Variants in ADAMTS4 observed in about 807,000 individuals in gnomAD.
The protein encoded by ADAMTS4 is ADAM metallopeptidase with thrombospondin type 1 motif 4.
ADAMTS4 carries 38 observed loss-of-function variants against 66.7 expected under a neutral mutation model. That is an observed-to-expected ratio of 0.57 (90% CI 0.44 to 0.75). The LOEUF is 0.75. Among genes scored for constraint, ADAMTS4 ranks in the 30% least tolerant of loss-of-function variants. The probability of loss-of-function intolerance (pLI) is 0.00; values close to 1 mark genes in which losing one functional copy is unlikely to be tolerated. For synonymous variants in ADAMTS4, 418 were observed against 461.5 expected, an observed-to-expected ratio of 0.91 and a Z score of 1.21; for missense variants, 1,014 against 1,116.7, an observed-to-expected ratio of 0.91 and a Z score of 1.31.
At chr1:161,196,081 C>A in intron 3 of ADAMTS4, 90 bp downstream of exon 3, 1 of 1,467,430 alleles carries the variant, frequency 6.8e-7, no homozygotes, top group East Asian at 2.3e-5. Context: ...GGAAGAATAC[C>A]TTGGGACCCC....
Position 161,192,243 on chromosome 1 carries a change from G to A in ADAMTS4, c.1912-3C>T. On this transcript the variant is annotated splice_region_variant and splice_polypyrimidine_tract_variant and intron_variant, in intron 7 of 8. Coordinates refer to ENST00000367996, the MANE Select transcript of ADAMTS4 (RefSeq NM_005099.6). ...GAACAGGGGGTCCCATCTACCACCTGAGGAAAAGAGAAAGAACAATGCTGA... is the reference window on the plus strand; with the variant it reads ...GAACAGGGGGTCCCATCTACCACCTAAGGAAAAGAGAAAGAACAATGCTGA... The A allele has an allele frequency of 2.5e-6, 4 of 1,612,518 alleles. No individual in the cohort carries two copies. The highest frequency in any genetic ancestry group is 3.4e-6 in the Non-Finnish European group (4 of 1,178,970).
rs761774179 is a variant in ADAMTS4 at position 161,198,169 on chromosome 1, T to C, written c.459A>G (p.Leu153=). The C allele has an allele frequency of 2.5e-6, 4 of 1,613,922 alleles. No homozygotes were observed. The highest frequency in any genetic ancestry group is 3.4e-6 in the Non-Finnish European group (4 of 1,179,980). The change falls in exon 1 of 9, where the codon TTA becomes TTG. Residue 153 remains leucine, a synonymous_variant. Transcript: ENST00000367996. The surrounding 1 kb of genome is among the most constrained non-coding windows in gnomAD (Gnocchi z 4.7). ...HWDGGALLGV[L]QYRGAELHLQ... is the part of the protein sequence containing the mutation. ...GGTGGAGTTCAGCCCCCCGATATTG[T>C]AACACGCCTAACAGGGCTCCCCCAT...
intron 7 of ADAMTS4, among the ~76,000 whole-genome samples, chr1:161,192,471 A>G (rs1478195278): frequency 2.0e-5 from 3 of 152,146 alleles, no homozygotes; most frequent in Non-Finnish European, 4.4e-5. Flanking sequence ...AGTATGAATC[A>G]GGCAGCATGC....
intron 1 of ADAMTS4, among the ~76,000 whole-genome samples, 154 bp downstream of exon 1, chr1:161,197,841 C>T (rs1664917402): frequency 6.6e-6 from 1 of 151,932 alleles, no homozygotes; most frequent in Non-Finnish European, 1.5e-5. Flanking sequence ...TGAGCCTTAC[C>T]AAGAAAGGAG....
chr1:161,193,559 C>A lies in ADAMTS4; in HGVS notation c.1735+81G>T. 1 of 1,528,374 alleles carries A rather than the reference C, an allele frequency of 6.5e-7. No homozygotes were observed. The highest frequency in any genetic ancestry group is 1.3e-5 in the South Asian group (1 of 79,870). 94.7% of individuals were successfully genotyped at this position (1,528,374 alleles called of 1,614,324 possible). Reference sequence around the variant, plus strand: ...CCCACAGCAGCAGGGGAATCAACACCCCCTTGGTCTTGCACTCAAGGGACA... The same window carrying A: ...CCCACAGCAGCAGGGGAATCAACACACCCTTGGTCTTGCACTCAAGGGACA... On this transcript the variant is annotated intron_variant, in intron 6 of 8. Transcript: ENST00000367996. The surrounding 1 kb of genome is among the most constrained non-coding windows in gnomAD (Gnocchi z 4.4).
chr1:161,192,147 T>C lies in ADAMTS4; in HGVS notation c.2005A>G (p.Lys669Glu), dbSNP rs1423429643. ...ACCATGCACTTGTCAAACTTCTTCTTGGAGCCAATGATGCGATCACAGCCA... is the reference window on the plus strand; with the variant it reads ...ACCATGCACTTGTCAAACTTCTTCTCGGAGCCAATGATGCGATCACAGCCA... ...HAGCDRIIGSKKKFDKCMVCG... is the reference protein window; with the variant it reads ...HAGCDRIIGSEKKFDKCMVCG... Residue 669 changes from lysine (K) to glutamate (E), a missense_variant, in exon 8 of 9, where the codon AAG becomes GAG. Physicochemically the swap from Lys to Glu is moderately conservative, Grantham distance 56. Transcript: ENST00000367996. 2 of 1,613,992 alleles carry C rather than the reference T, an allele frequency of 1.2e-6. No homozygotes were observed. Among genetic ancestry groups the C allele is most frequent in the Non-Finnish European group, 1.7e-6 (2 of 1,180,034 alleles).
chr1:161,195,964 G>T, intron 3 of ADAMTS4: 1 of 514,192 alleles, frequency 1.9e-6, no homozygotes, highest in Non-Finnish European at 3.3e-6. Context: ...CACACACACA[G>T]AGGAGTTCAC....
intron 7 of ADAMTS4, 98 bp from the exon 8 acceptor site, chr1:161,192,338 G>T: frequency 8.0e-7 from 1 of 1,254,508 alleles, no homozygotes; most frequent in Non-Finnish European, 1.1e-6. Context: ...AAGCAATGTT[G>T]TCGGAAAAGT....
In ADAMTS4 at chr1:161,194,123, C is replaced by G; in HGVS notation, c.1360G>C (p.Gly454Arg). Residue 454 changes from glycine to arginine, a missense_variant, in exon 5 of 9, where the codon GGG (glycine) becomes CGG (arginine). Coordinates refer to ENST00000367996, the MANE Select transcript of ADAMTS4 (RefSeq NM_005099.6). The surrounding 1 kb of genome is among the most constrained non-coding windows in gnomAD (Gnocchi z 4.1). ...TGTGGACAATGGCGTGAGTCGGGCC[C>G]GAAGGTCAGCTGGCACTGGCGGTCA... Reference protein sequence around the residue: ...DADRQCQLTFGPDSRHCPQLP... With the variant: ...DADRQCQLTFRPDSRHCPQLP... 1 of 1,614,200 alleles carries G rather than the reference C, an allele frequency of 6.2e-7. No individual in the cohort carries two copies. The highest frequency in any genetic ancestry group is 8.5e-7 in the Non-Finnish European group (1 of 1,180,030).
chr1:161,196,536 C>A (rs1301091903), intron 2 of ADAMTS4, 21 bp downstream of exon 2: 5 of 1,610,632 alleles, frequency 3.1e-6, no homozygotes, highest in Non-Finnish European at 4.2e-6. Flanking sequence ...GCATGGCCTG[C>A]GGTGCTGACT....
intron 1 of ADAMTS4, 37 bp downstream of exon 1, chr1:161,197,958 G>T: frequency 1.3e-6 from 2 of 1,523,864 alleles, no homozygotes; most frequent in Non-Finnish European, 8.8e-7. Flanking sequence ...GACATGGCGG[G>T]AGGACACCGC....
rs1664984318 is a variant in ADAMTS4, at chr1:161,198,775, T to C, written c.-148A>G. 5 of 707,748 alleles carry C rather than the reference T, an allele frequency of 7.1e-6. No individual in the cohort carries two copies. Among genetic ancestry groups the C allele is most frequent in the Non-Finnish European group, 6.6e-6 (3 of 452,426 alleles). 43.8% of individuals were successfully genotyped at this position (707,748 alleles called of 1,614,324 possible). ...AAGTTTTCAGAAGGGCTGAGGACCG[T>C]TAAAGGAAATGGAGAAAACTTAGTC... is the stretch of plus-strand genomic sequence containing the variant. On this transcript the variant is annotated 5_prime_UTR_variant, in exon 1 of 9. Coordinates refer to ENST00000367996, the MANE Select transcript of ADAMTS4 (RefSeq NM_005099.6). This position sits in a 1 kb window ranked among gnomAD's most constrained non-coding sequence, Gnocchi z 4.7.
In ADAMTS4 at chr1:161,188,912, T is replaced by A. The variant is rs1241400102; in HGVS notation, c.*2226A>T. On this transcript the variant is annotated 3_prime_UTR_variant, in exon 9 of 9. Transcript: ENST00000367996. ...TATATATATATATATATATATATTT[T>A]GTATTTTTAGTAGACACGGGGTTTC... 2 of 60,590 alleles carry A rather than the reference T, an allele frequency of 3.3e-5. No individual in the cohort carries two copies. The highest frequency in any genetic ancestry group is 1.2e-3 in the South Asian group (2 of 1,612). 3.8% of individuals were successfully genotyped at this position (60,590 alleles called of 1,614,324 possible).
rs375241915 is a variant in ADAMTS4 at position 161,198,662 on chromosome 1, G to A, written c.-35C>T. On this transcript the variant is annotated 5_prime_UTR_variant, in exon 1 of 9. It adds an upstream start codon to the 5' untranslated region. Coordinates refer to ENST00000367996, the MANE Select transcript of ADAMTS4 (RefSeq NM_005099.6). This position sits in a 1 kb window ranked among gnomAD's most constrained non-coding sequence, Gnocchi z 4.7. ...ACTGCAGCTGGGAGGGACTGAGGCC[G>A]TCTAGGGCACCAAGTCCTCCACACC... 174 of 1,456,752 alleles carry A rather than the reference G, an allele frequency of 1.2e-4. 4 individuals are homozygous for A. In the South Asian group the frequency reaches 1.3e-3, roughly 11 times the overall value. 90.2% of individuals were successfully genotyped at this position (1,456,752 alleles called of 1,614,324 possible).
At position 161,193,666 on chromosome 1, in the gene ADAMTS4, T is replaced by C. The variant is rs149280873; in HGVS notation, c.1709A>G (p.Asn570Ser). ...TGAGCCAGTTGGGCAGTCCTCAGTG[T>C]TGCAGGAGCGGAAGCGGGTACGGCG... Reference protein sequence around the residue: ...EGRRTRFRSCNTEDCPTGSAL... With the variant: ...EGRRTRFRSCSTEDCPTGSAL... Residue 570 changes from asparagine to serine, a missense_variant, in exon 6 of 9, where the codon AAC (asparagine) becomes AGC (serine). Transcript: ENST00000367996. This position sits in a 1 kb window ranked among gnomAD's most constrained non-coding sequence, Gnocchi z 4.4. 51 of 1,613,040 alleles carry C rather than the reference T, an allele frequency of 3.2e-5. No homozygotes were observed. The African/African-American group carries it at 5.7e-4, about 18-fold the overall frequency.
At position 161,185,286 on chromosome 1, in the gene ADAMTS4, G is replaced by T. The variant is rs1430791387; in HGVS notation, c.*5852C>A. 6.6e-6 allele frequency: 1 copy of T among 152,420 alleles called. No individual in the cohort carries two copies. Among genetic ancestry groups the T allele is most frequent in the Non-Finnish European group, 1.5e-5 (1 of 68,034 alleles). 9.4% of individuals were successfully genotyped at this position (152,420 alleles called of 1,614,324 possible). A position where few individuals can be genotyped will look rare whatever the true frequency, so the allele number is the denominator to read the frequency against. ...GTTATGTCAATGTGTCACTGTTGGTGTGGGTGTATGGTGCCTGTTTGTTGT... is the reference window on the plus strand; with the variant it reads ...GTTATGTCAATGTGTCACTGTTGGTTTGGGTGTATGGTGCCTGTTTGTTGT... On this transcript the variant is annotated 3_prime_UTR_variant, in exon 9 of 9. Coordinates refer to ENST00000367996, the MANE Select transcript of ADAMTS4 (RefSeq NM_005099.6).
Position 161,192,243 on chromosome 1 carries a change from G to C in ADAMTS4, c.1912-3C>G, listed in dbSNP as rs1664701986. On this transcript the variant is annotated splice_region_variant and splice_polypyrimidine_tract_variant and intron_variant, in intron 7 of 8. Transcript: ENST00000367996. ...GAACAGGGGGTCCCATCTACCACCT[G>C]AGGAAAAGAGAAAGAACAATGCTGA... is the stretch of plus-strand genomic sequence containing the variant. The C allele has an allele frequency of 6.2e-7, 1 of 1,612,518 alleles. No homozygotes were observed. Among genetic ancestry groups the C allele is most frequent in the Non-Finnish European group, 8.5e-7 (1 of 1,178,970 alleles).
rs146537482 is a variant in ADAMTS4 at position 161,196,526 on chromosome 1, G to A, written c.957+31C>T. On this transcript the variant is annotated intron_variant, in intron 2 of 8. Transcript: ENST00000367996. ...GTGGCGCTTCTTAGAATTGTGCAGT[G>A]CATGGCCTGCGGTGCTGACTGGGGC... The A allele has an allele frequency of 5.7e-5, 91 of 1,606,216 alleles. 2 individuals are homozygous for A. The Middle Eastern group carries it at 8.3e-4, about 15-fold the overall frequency.
intron 1 of ADAMTS4, among the ~76,000 whole-genome samples, 168 bp downstream of exon 1, chr1:161,197,827 G>T (rs1235922391): frequency 6.6e-6 from 1 of 152,010 alleles, no homozygotes; most frequent in Non-Finnish European, 1.5e-5. Context: ...GAAGGGGAGA[G>T]GCCTGAGCCT....
Sources: allele counts gnomAD v4.1 joint callset (sites outside exome capture counted in the v4.1 genomes callset), GRCh38; gene constraint gnomAD v4.1.1; non-coding constraint Gnocchi (gnomAD v3.1); transcripts MANE v1.5; gene names NCBI Gene and HGNC (gene_info 2026-07-23, HGNC 2026-07-21).